MKS1: variants seen among roughly 807,000 people sequenced by gnomAD.
The protein encoded by MKS1 is tectonic-like complex member MKS1.
In MKS1, 70 loss-of-function variants were observed where a neutral mutation model predicts 83.7. That is an observed-to-expected ratio of 0.84 (90% confidence interval 0.69 to 1.02). MKS1 has a LOEUF of 1.02. MKS1 is among the 50% of genes least tolerant of loss of function. MKS1 has a pLI of 0.00. For missense variants in MKS1, 681 were observed against 726.9 expected, an observed-to-expected ratio of 0.94 and a Z score of 0.73; for synonymous variants, 251 against 273.4, an observed-to-expected ratio of 0.92 and a Z score of 0.81.
intron 9 of MKS1, 199 bp from the exon 10 acceptor site, chr17:58,211,221 G>T (rs1597987834): frequency 1.7e-6 from 1 of 605,590 alleles, no homozygotes; most frequent in East Asian, 2.9e-5. Context: ...TAGGGGGAAA[G>T]TACATAATTT....
chr17:58,216,519 C>G, intron 3 of MKS1, 147 bp downstream of exon 3: 1 of 957,194 alleles, frequency 1.0e-6, no homozygotes, highest in Admixed American at 2.0e-5. Context: ...TAGTGGCAAT[C>G]CCTATGTTAC....
chr17:58,215,772 CT>C, intron 4 of MKS1: 1 of 384,446 alleles, frequency 2.6e-6, no homozygotes, highest in South Asian at 2.3e-5. Flanking sequence ...CACTACCTGT[CT>C]TTTTTCATGA....
In MKS1 at chr17:58,207,979, C is replaced by T. The variant is rs1460798211; in HGVS notation, c.1188G>A (p.Val396=). 6.2e-7 allele frequency: 1 copy of T among 1,614,116 alleles called. No homozygotes were observed. The highest frequency in any genetic ancestry group is 8.5e-7 in the Non-Finnish European group (1 of 1,180,024). ...ESSDALPEWP[V]LYCEVLSLDF... ...CCAGCGAGAGGACCTCACAGTAGAG[C>T]ACAGGCCACTCCGGGAGTGCATCTG... Residue 396 remains valine (V), a synonymous_variant, in exon 14 of 18, where the codon GTG becomes GTA. Transcript: ENST00000393119.
intron 11 of MKS1, among the ~76,000 whole-genome samples, chr17:58,208,970 A>C (rs190967814): frequency 6.6e-6 from 1 of 152,170 alleles, no homozygotes; most frequent in South Asian, 2.1e-4. Context: ...TTCAGAGAGC[A>C]CGGGGTTGGG....
At chr17:58,206,694 C>A in intron 15 of MKS1, 147 bp from the exon 16 acceptor site, 1 of 850,246 alleles carries the variant, frequency 1.2e-6, no homozygotes, top group Non-Finnish European at 1.9e-6. Flanking sequence ...ACTCTATTAC[C>A]TCAAGGCTAA....
intron 11 of MKS1, 74 bp from the exon 12 acceptor site, chr17:58,208,657 T>A: frequency 7.2e-7 from 1 of 1,384,984 alleles, no homozygotes; most frequent in Non-Finnish European, 1.0e-6. Context: ...ACAGTTTCTT[T>A]TTTCTTTTCT....
chr17:58,208,274 T>C, intron 12 of MKS1, 100 bp from the exon 13 acceptor site: 1 of 1,175,088 alleles, frequency 8.5e-7, no homozygotes, highest in Non-Finnish European at 1.3e-6. Context: ...AAAGAAAAAT[T>C]ATCACCCAGG....
In MKS1 at chr17:58,206,009, G is replaced by T; in HGVS notation, c.*70C>A. The T allele has an allele frequency of 2.6e-6, 4 of 1,553,806 alleles. No individual in the cohort carries two copies. The highest frequency in any genetic ancestry group is 3.5e-6 in the Non-Finnish European group (4 of 1,151,202). On this transcript the variant is annotated 3_prime_UTR_variant, in exon 18 of 18. Transcript: ENST00000393119. Reference sequence around the variant, plus strand: ...TGGTCTCTAATCAGAAAGACGAAGAGGCAGGAGAGCACTGGCCTCAGATAT... The same window carrying T: ...TGGTCTCTAATCAGAAAGACGAAGATGCAGGAGAGCACTGGCCTCAGATAT...
rs1376838481 is a variant in MKS1, at chr17:58,214,816, G to A, written c.440C>T (p.Ala147Val). Residue 147 changes from alanine (A) to valine (V), a missense_variant, in exon 5 of 18, where the codon GCA becomes GTA. By Grantham distance (64) the Ala-to-Val change is moderately conservative (BLOSUM62 0). Transcript: ENST00000393119. Reference sequence around the variant, plus strand: ...CAAGAATGAAGGCACCTCGCTGGCTGCAGTGGTCATTCTCTGACAGTGCTG... The same window carrying A: ...CAAGAATGAAGGCACCTCGCTGGCTACAGTGGTCATTCTCTGACAGTGCTG... The part of the protein sequence containing the change: ...LEEHCQRMTT[A>V]ASEVPSFLVE... The A allele has an allele frequency of 8.1e-6, 13 of 1,604,406 alleles. No individual in the cohort carries two copies. The highest frequency in any genetic ancestry group is 1.1e-5 in the Non-Finnish European group (13 of 1,179,478).
intron 9 of MKS1, 88 bp downstream of exon 9, chr17:58,212,290 C>CTATAGGACTATATGTGCTATT: frequency 4.1e-6 from 6 of 1,455,552 alleles, no homozygotes; most frequent in Non-Finnish European, 4.8e-6. Context: ...TACCTTTGGG[C>CTATAGGACTATATGTGCTATT]CTTTAAGAGA....
chr17:58,207,838 C>T (rs1968613529), intron 14 of MKS1, 56 bp downstream of exon 14: 1 of 1,471,878 alleles, frequency 6.8e-7, no homozygotes. Context: ...GAGTGTTAGT[C>T]TTGTTCTTAG....
rs1383978150 is a variant in MKS1 at position 58,209,804 on chromosome 17, A to C, written c.1024+855T>G. On this transcript the variant is annotated intron_variant, in intron 11 of 17. Coordinates refer to ENST00000393119, the MANE Select transcript of MKS1 (RefSeq NM_017777.4). The surrounding 1 kb of genome is among the most constrained non-coding windows in gnomAD (Gnocchi z 4.1). ...ACTTGTTTACATTTTTTAAAGCTCA[A>C]CTTGGCTTTGGTGTCTGTGGCAAAT... Among the ~76,000 whole-genome samples the C allele has an allele frequency of 6.6e-6, 1 of 152,206 alleles. No individual in the cohort carries two copies. The highest frequency in any genetic ancestry group is 2.4e-5 in the African/African-American group (1 of 41,440).
rs1307388878 is a variant in MKS1 at position 58,209,482 on chromosome 17, C to G, written c.1025-899G>C. 3.3e-5 allele frequency among the ~76,000 whole-genome samples: 5 copies of G among 152,164 alleles called. No individual in the cohort carries two copies. Among genetic ancestry groups the G allele is most frequent in the African/African-American group, 1.2e-4 (5 of 41,424 alleles). ...TACTAAAAACAAAACGGGGAAGGGA[C>G]TGAGTGATTGGGAGGCTCATTTAGA... On this transcript the variant is annotated intron_variant, in intron 11 of 17. Transcript: ENST00000393119. The surrounding 1 kb of genome is among the most constrained non-coding windows in gnomAD (Gnocchi z 4.1).
intron 11 of MKS1, among the ~76,000 whole-genome samples, chr17:58,208,920 G>A (rs567106472): frequency 1.3e-5 from 2 of 152,028 alleles, no homozygotes; most frequent in South Asian, 2.1e-4. Flanking sequence ...ATCTTGCACC[G>A]CCCTTAATCC....
chr17:58,210,887 G>C, intron 10 of MKS1, 93 bp downstream of exon 10: 1 of 1,503,294 alleles, frequency 6.7e-7, no homozygotes, highest in Non-Finnish European at 9.2e-7. Context: ...AAGTACAGCA[G>C]ACAAGGCCTC....
chr17:58,218,199 A>G (rs1190873707), intron 2 of MKS1, among the ~76,000 whole-genome samples: 2 of 152,220 alleles, frequency 1.3e-5, no homozygotes, highest in African/African-American at 4.8e-5. Context: ...CTGTAATCCC[A>G]GCACTTTGGG....
chr17:58,211,729 A>AT (rs35375018), intron 9 of MKS1, among the ~76,000 whole-genome samples: 89,331 of 137,164 alleles, frequency 0.65, 29,637 homozygotes, highest in East Asian at 0.8. Context: ...TGCCTTGCTA[A>AT]TTTTTTTTTT....
At chr17:58,218,534 G>GT in intron 2 of MKS1, 86 bp downstream of exon 2, 1 of 745,538 alleles carries the variant, frequency 1.3e-6, no homozygotes, top group Non-Finnish European at 2.2e-6. Context: ...CAGAAGTATA[G>GT]TATTTGTTAT....
Position 58,216,238 on chromosome 17 carries a change from T to TG in MKS1, c.266_267insC (p.Glu89AspfsTer8). ...CTGTTTCATTTTGGTACAGATCTAC[T>TG]TCAAACTGAGGTTACCATAAGGAAA... On this transcript the variant is annotated frameshift_variant, in exon 4 of 18. Transcript: ENST00000393119. LOFTEE classifies it high-confidence loss of function. 6.2e-7 allele frequency: 1 copy of TG among 1,612,706 alleles called. No homozygotes were observed.
Sources: gnomAD v4.1 joint callset for allele counts (sites outside exome capture counted in the v4.1 genomes callset) on GRCh38, gnomAD v4.1.1 for gene constraint, Gnocchi (gnomAD v3.1) non-coding constraint, MANE v1.5 for transcripts, NCBI Gene and HGNC (gene_info 2026-07-23, HGNC 2026-07-21) for gene names.